Variants in AUTS2 observed in about 807,000 individuals in gnomAD.
The protein encoded by AUTS2 is autism susceptibility gene 2 protein.
AUTS2 carries 17 observed loss-of-function variants against 112.4 expected under a neutral mutation model. The ratio of observed to expected loss-of-function variants is 0.15; its 90% CI spans 0.10 to 0.23. The LOEUF (loss-of-function observed/expected upper bound fraction) is 0.23. AUTS2 is among the 10% of genes least tolerant of loss of function. AUTS2 has a pLI of 1.00. For missense variants in AUTS2, 1,510 were observed against 1,701.6 expected (o/e 0.89, Z 1.98); for synonymous variants, 751 against 702.7 (o/e 1.07, Z -1.09).
chr7:69,832,042 A>G lies in AUTS2; in HGVS notation c.310-67244A>G, dbSNP rs532506116. ...CATTTTCAAAATATCCTTTGAACCT[A>G]TGGTAATCCCTAAGGCAGCCATGTT... On this transcript the variant is annotated intron_variant, in intron 1 of 18. Coordinates refer to ENST00000342771, the MANE Select transcript of AUTS2 (RefSeq NM_015570.4). Among the ~76,000 whole-genome samples, 3 of 152,212 alleles carry G rather than the reference A, an allele frequency of 2.0e-5. No homozygotes were observed. In the South Asian group the frequency reaches 6.2e-4, roughly 32 times the overall value.
intron 2 of AUTS2, among the ~76,000 whole-genome samples, chr7:70,014,270 T>C (rs1799932508): frequency 1.3e-5 from 2 of 152,240 alleles, no homozygotes; most frequent in African/African-American, 2.4e-5. Context: ...GCATACACTT[T>C]ACATCTAAGG....
chr7:70,456,352 T>A (rs1796739189), intron 5 of AUTS2, among the ~76,000 whole-genome samples: 1 of 152,252 alleles, frequency 6.6e-6, no homozygotes, highest in Admixed American at 6.5e-5. Flanking sequence ...AAATCATTGT[T>A]AATTCTTGTG....
At chr7:70,760,207 G>T (rs191018800) in intron 6 of AUTS2, among the ~76,000 whole-genome samples, 2 of 152,086 alleles carry the variant, frequency 1.3e-5, no homozygotes, top group Admixed American at 6.5e-5. Context: ...GGGTTTCACC[G>T]TGTTAGCCAG....
intron 2 of AUTS2, among the ~76,000 whole-genome samples, chr7:69,922,064 CAAAAAAA>C (rs150134326): frequency 0.084 from 12,679 of 151,378 alleles, 586 homozygotes; most frequent in East Asian, 0.13. Context: ...AACTCTGTCT[CAAAAAAA>C]GAAAAAAGAA....
At chr7:69,685,231 G>A (rs943841883) in intron 1 of AUTS2, among the ~76,000 whole-genome samples, 3 of 152,122 alleles carry the variant, frequency 2.0e-5, no homozygotes, top group Admixed American at 6.5e-5. Flanking sequence ...CCTCACCTTT[G>A]CACCTCTGCT....
Position 70,362,116 on chromosome 7 carries a change from T to C in AUTS2, c.661-73636T>C, listed in dbSNP as rs191775714. ...GATTTATGCAGAACTCGGGACTTCA[T>C]TGATAGAGCACTGTCACTTACTACT... On this transcript the variant is annotated intron_variant, in intron 4 of 18. Transcript: ENST00000342771. Among the ~76,000 whole-genome samples, 3 of 152,320 alleles carry C rather than the reference T, an allele frequency of 2.0e-5. No homozygotes were observed. The East Asian group carries it at 5.8e-4, about 29-fold the overall frequency.
intron 1 of AUTS2, among the ~76,000 whole-genome samples, chr7:69,652,383 T>C (rs1368028816): frequency 6.6e-6 from 1 of 151,580 alleles, no homozygotes; most frequent in Non-Finnish European, 1.5e-5. Flanking sequence ...GGATTTTTTT[T>C]CTTTGCCCTG....
In AUTS2 at chr7:69,686,311, G is replaced by C. The variant is rs549451730; in HGVS notation, c.309+86349G>C. Among the ~76,000 whole-genome samples, 4 of 152,284 alleles carry C rather than the reference G, an allele frequency of 2.6e-5. No individual in the cohort carries two copies. The South Asian group carries it at 8.3e-4, about 32-fold the overall frequency. Reference sequence around the variant, plus strand: ...CTTTAGGAACAAGTCATTTTCTACTGTAGGATTTTGGAGGGTTCATAATAG... The same window carrying C: ...CTTTAGGAACAAGTCATTTTCTACTCTAGGATTTTGGAGGGTTCATAATAG... On this transcript the variant is annotated intron_variant, in intron 1 of 18. Coordinates refer to ENST00000342771, the MANE Select transcript of AUTS2 (RefSeq NM_015570.4).
chr7:70,440,815 A>G (rs1307888516), intron 5 of AUTS2, among the ~76,000 whole-genome samples: 2 of 152,256 alleles, frequency 1.3e-5, no homozygotes, highest in Non-Finnish European at 2.9e-5. Context: ...TTGTCCCTTC[A>G]GCAACTGTTC....
chr7:70,675,337 A>T (rs1287661540), intron 5 of AUTS2, among the ~76,000 whole-genome samples: 1 of 152,104 alleles, frequency 6.6e-6, no homozygotes, highest in African/African-American at 2.4e-5. Context: ...TGCTAAAATT[A>T]TAAAAATTAG....
At chr7:70,569,086 A>G (rs565980134) in intron 5 of AUTS2, among the ~76,000 whole-genome samples, 2 of 152,298 alleles carry the variant, frequency 1.3e-5, no homozygotes, top group East Asian at 3.9e-4. Flanking sequence ...GCTCTCCCCA[A>G]GTACTTTGTG....
Position 70,764,830 on chromosome 7 carries a change from C to A in AUTS2, c.1293C>A (p.Phe431Leu). ...CCCACCACCCCTCTGCCTCCCCGTT[C>A]CCCCTCTCCCTGCCCAACCACAGCC... ...HISHHPSASP[F>L]PLSLPNHSPL... The change falls in exon 8 of 19, where the codon TTC becomes TTA. Residue 431 changes from phenylalanine (F) to leucine (L), a missense_variant. Phe to Leu is a conservative substitution (Grantham distance 22). This residue lies in a region of AUTS2 where 535 missense variants were observed against 594.3 expected (regional missense o/e 0.90). Transcript: ENST00000342771. 1.2e-5 allele frequency: 6 copies of A among 516,000 alleles called. No homozygotes were observed. The highest frequency in any genetic ancestry group is 2.1e-5 in the Non-Finnish European group (6 of 291,370). The allele number at this position is 516,000 out of a possible 1,614,324, so 32.0% of individuals were successfully genotyped here.
intron 4 of AUTS2, among the ~76,000 whole-genome samples, chr7:70,288,150 C>T (rs1161484530): frequency 2.0e-5 from 3 of 152,134 alleles, no homozygotes; most frequent in Admixed American, 6.5e-5. Flanking sequence ...CGGTGACTCA[C>T]GCCTGTAATC....
rs200867539 is a variant in AUTS2, at chr7:70,053,544, G to GTTTTTTTTTTTTTTTTT, written c.523-64576_523-64575insTTTTTTTTTTTTTTTTT. On this transcript the variant is annotated intron_variant, in intron 2 of 18. Coordinates refer to ENST00000342771, the MANE Select transcript of AUTS2 (RefSeq NM_015570.4). ...ATTGTGGCAACCACTGTTTTGGGTG[G>GTTTTTTTTTTTTTTTTT]TTTTTTTTTTTTGGAGACAGGATCT... Among the ~76,000 whole-genome samples the GTTTTTTTTTTTTTTTTT allele has an allele frequency of 2.2e-3, 275 of 127,694 alleles. 15 individuals carry two copies. The highest frequency in any genetic ancestry group is 6.4e-3 in the African/African-American group (208 of 32,250). 83.8% of individuals were successfully genotyped at this position (127,694 alleles called of 152,430 possible).
chr7:70,174,409 G>A (rs1347383554), intron 4 of AUTS2, among the ~76,000 whole-genome samples: 2 of 152,230 alleles, frequency 1.3e-5, no homozygotes, highest in Admixed American at 6.5e-5. Context: ...AAACACAAGT[G>A]CTGATGGAGT....
intron 1 of AUTS2, among the ~76,000 whole-genome samples, chr7:69,868,068 A>G (rs749606173): frequency 6.6e-6 from 1 of 152,214 alleles, no homozygotes; most frequent in Non-Finnish European, 1.5e-5. Context: ...AAAACATTAT[A>G]AAGAAGAAAA....
intron 6 of AUTS2, among the ~76,000 whole-genome samples, chr7:70,745,519 G>A (rs1788397110): frequency 6.6e-6 from 1 of 152,102 alleles, no homozygotes; most frequent in African/African-American, 2.4e-5. Flanking sequence ...TCCCAGGGTA[G>A]CAGCTGTTTA....
rs904501595 is a variant in AUTS2, at chr7:70,580,262, G to A, written c.691-118307G>A. On this transcript the variant is annotated intron_variant, in intron 5 of 18. Transcript: ENST00000342771. ...TGACTTCATCCTGACCTTCAGCTAT[G>A]CACATGTGCCCTGCGCTGTAGCGTG... 5.9e-5 allele frequency among the ~76,000 whole-genome samples: 9 copies of A among 152,310 alleles called. No homozygotes were observed. The South Asian group carries it at 1.0e-3, about 18-fold the overall frequency.
chr7:70,026,570 C>T (rs1286581611), intron 2 of AUTS2, among the ~76,000 whole-genome samples: 3 of 152,308 alleles, frequency 2.0e-5, no homozygotes, highest in African/African-American at 7.2e-5. Context: ...GTGCTTGCCT[C>T]ATACCTTGCC....
Sources: gnomAD v4.1 joint callset for allele counts (sites outside exome capture counted in the v4.1 genomes callset) on GRCh38, gnomAD v4.1.1 for gene constraint, gnomAD v4.1.1 regional missense constraint, MANE v1.5 for transcripts, NCBI Gene and HGNC (gene_info 2026-07-23, HGNC 2026-07-21) for gene names.